Variants in GRAMD1B observed in about 807,000 individuals in gnomAD.
The protein encoded by GRAMD1B is GRAM domain containing 1B, also known as protein Aster-B.
In GRAMD1B, 37 loss-of-function variants were observed where a neutral mutation model predicts 99.7. That is an observed-to-expected ratio of 0.37 (90% CI 0.29 to 0.49). The LOEUF is 0.49. Ranked by LOEUF, GRAMD1B falls within the 20% of genes least tolerant of loss-of-function variation. GRAMD1B has a pLI of 0.98. For synonymous variants in GRAMD1B, 427 were observed against 387.6 expected (o/e 1.10, Z -1.19); for missense variants, 888 against 1,009.2 (o/e 0.88, Z 1.63).
At chr11:123,420,552 C>G (rs1219662056) in intron 1 of GRAMD1B, among the ~76,000 whole-genome samples, 1 of 151,948 alleles carries the variant, frequency 6.6e-6, no homozygotes, top group African/African-American at 2.4e-5. Context: ...GATACAAACT[C>G]CCAAGGAAAT....
upstream of GRAMD1B, among the ~76,000 whole-genome samples, chr11:123,427,842 G>A (rs1948708273): frequency 6.6e-6 from 1 of 152,198 alleles, no homozygotes; most frequent in African/African-American, 2.4e-5. Context: ...CTTAGCCACT[G>A]CTGTGCCCAA....
intron 1 of GRAMD1B, among the ~76,000 whole-genome samples, chr11:123,382,658 T>C (rs1380529818): frequency 6.6e-6 from 1 of 152,108 alleles, no homozygotes; most frequent in Non-Finnish European, 1.5e-5. Flanking sequence ...ATATAGGTGA[T>C]CATGTGGCTT....
chr11:123,365,582 C>T (rs1946293600), intron 1 of GRAMD1B, among the ~76,000 whole-genome samples: 1 of 152,176 alleles, frequency 6.6e-6, no homozygotes, highest in Admixed American at 6.5e-5. Context: ...ATCTTTTTCT[C>T]ATAACTTTTC....
chr11:123,528,943 A>C (rs1943076249), intron 2 of GRAMD1B, among the ~76,000 whole-genome samples: 1 of 152,170 alleles, frequency 6.6e-6, no homozygotes. Flanking sequence ...GGGACTAACT[A>C]CCACGCAACA....
chr11:123,568,776 G>A (rs956294319), intron 2 of GRAMD1B, among the ~76,000 whole-genome samples: 5 of 152,294 alleles, frequency 3.3e-5, no homozygotes, highest in African/African-American at 9.6e-5. Context: ...GGAAAAAAAA[G>A]CAACTCTTCT....
intron 2 of GRAMD1B, among the ~76,000 whole-genome samples, chr11:123,482,706 A>G (rs1014985420): frequency 6.6e-6 from 1 of 152,190 alleles, no homozygotes; most frequent in African/African-American, 2.4e-5. Context: ...TTGAAAGTGG[A>G]TGTGGATGCA....
intron 1 of GRAMD1B, among the ~76,000 whole-genome samples, chr11:123,474,886 T>C (rs1368824959): frequency 6.6e-6 from 1 of 152,164 alleles, no homozygotes; most frequent in African/African-American, 2.4e-5. Context: ...TGGGTAAATG[T>C]AGTTTCCATC....
intron 2 of GRAMD1B, among the ~76,000 whole-genome samples, chr11:123,551,593 G>A (rs1052352733): frequency 2.6e-5 from 4 of 152,124 alleles, no homozygotes; most frequent in African/African-American, 7.2e-5. Flanking sequence ...AAGAACATAG[G>A]ACTTTGTTGT....
chr11:123,378,043 C>T (rs1202563877), intron 1 of GRAMD1B, among the ~76,000 whole-genome samples: 1 of 152,128 alleles, frequency 6.6e-6, no homozygotes, highest in Non-Finnish European at 1.5e-5. Flanking sequence ...AAGCCAAGGA[C>T]CTATGTGTTC....
rs550150121 is a variant in GRAMD1B, at chr11:123,583,789, G to C, written c.664-523G>C. Among the ~76,000 whole-genome samples the C allele has an allele frequency of 2.6e-5, 4 of 152,260 alleles. No individual in the cohort carries two copies. The East Asian group carries it at 7.7e-4, about 29-fold the overall frequency. On this transcript the variant is annotated intron_variant, in intron 3 of 19. Coordinates refer to ENST00000635736, the MANE Select transcript of GRAMD1B (RefSeq NM_001387025.1). The stretch of plus-strand genomic sequence containing the variant: ...GGCACTCCCCGACCATTGCAGTTTA[G>C]GTACAGCCCATTTTTTGGCGCAGGA...
chr11:123,480,197 T>C (rs1233225482), intron 1 of GRAMD1B, among the ~76,000 whole-genome samples: 1 of 152,214 alleles, frequency 6.6e-6, no homozygotes, highest in Non-Finnish European at 1.5e-5. Flanking sequence ...TTACAGTGCC[T>C]TAAGGTGTGG....
chr11:123,486,094 T>C (rs941011780), intron 2 of GRAMD1B, among the ~76,000 whole-genome samples: 1 of 152,224 alleles, frequency 6.6e-6, no homozygotes, highest in Non-Finnish European at 1.5e-5. Flanking sequence ...AAAAATTTGA[T>C]GTCCATTGGA....
At chr11:123,372,615 AC>A (rs1177616369) in intron 1 of GRAMD1B, among the ~76,000 whole-genome samples, 6 of 152,176 alleles carry the variant, frequency 3.9e-5, no homozygotes, top group Non-Finnish European at 8.8e-5. Context: ...CATTGGCCTT[AC>A]AAGCAGAATA....
chr11:123,538,898 G>A (rs1944230553), intron 2 of GRAMD1B, among the ~76,000 whole-genome samples: 2 of 151,926 alleles, frequency 1.3e-5, no homozygotes, highest in Admixed American at 1.3e-4. Context: ...TAAAGTGCCG[G>A]GATTACAGGT....
intron 1 of GRAMD1B, among the ~76,000 whole-genome samples, chr11:123,453,880 T>C (rs4936808): frequency 0.25 from 38,425 of 152,066 alleles, 5,109 homozygotes; most frequent in East Asian, 0.37. Context: ...TCGCTACTGA[T>C]TGTGAATTCG....
intron 1 of GRAMD1B, among the ~76,000 whole-genome samples, chr11:123,369,794 C>A (rs546082822): frequency 6.6e-6 from 1 of 151,764 alleles, no homozygotes; most frequent in Admixed American, 6.6e-5. Context: ...ATCCCTTGAG[C>A]CTGGGAGGCT....
chr11:123,471,992 G>A (rs1391668950), intron 1 of GRAMD1B, among the ~76,000 whole-genome samples: 1 of 152,188 alleles, frequency 6.6e-6, no homozygotes, highest in African/African-American at 2.4e-5. Context: ...CTAACGCTGG[G>A]TGTGGTGGCT....
chr11:123,541,465 T>C (rs1326673141), intron 2 of GRAMD1B, among the ~76,000 whole-genome samples: 1 of 152,216 alleles, frequency 6.6e-6, no homozygotes, highest in Non-Finnish European at 1.5e-5. Flanking sequence ...GTTACATTGG[T>C]TTGCATTTCT....
At chr11:123,538,371 C>T (rs1410756537) in intron 2 of GRAMD1B, among the ~76,000 whole-genome samples, 2 of 152,120 alleles carry the variant, frequency 1.3e-5, no homozygotes, top group Non-Finnish European at 1.5e-5. Flanking sequence ...AGCCACCTGA[C>T]TGATTTCCCC....
Sources: gnomAD v4.1 joint callset for allele counts (sites outside exome capture counted in the v4.1 genomes callset) on GRCh38, gnomAD v4.1.1 for gene constraint, MANE v1.5 for transcripts, NCBI Gene and HGNC (gene_info 2026-07-23, HGNC 2026-07-21) for gene names.